GATB: variants seen among roughly 807,000 people sequenced by gnomAD.
The protein encoded by GATB is glutamyl-tRNA(Gln) amidotransferase subunit B, mitochondrial.
Under a neutral mutation model 62.3 loss-of-function variants are expected in GATB, and 39 were observed. The observed-to-expected ratio is 0.63, with a 90% CI of 0.48 to 0.82. The LOEUF is 0.82. Among genes scored for constraint, GATB ranks in the 40% least tolerant of loss-of-function variants. The pLI, the probability that GATB is intolerant of heterozygous loss-of-function variation, is 0.00. For missense variants in GATB, 670 were observed against 684.0 expected (o/e 0.98, Z 0.23); for synonymous variants, 276 against 258.9 (o/e 1.07, Z -0.63).
At chr4:151,697,947 G>GTGTATATATATATATA (rs1177589943) in intron 9 of GATB, among the ~76,000 whole-genome samples, 10 of 73,492 alleles carry the variant, frequency 1.4e-4, no homozygotes, top group African/African-American at 6.6e-4. Flanking sequence ...ATGTGTGTGT[G>GTGTATATATATATATA]TGTGTGTATA....
chr4:151,713,796 G>A (rs1176332088), intron 5 of GATB, among the ~76,000 whole-genome samples: 1 of 152,130 alleles, frequency 6.6e-6, no homozygotes, highest in Non-Finnish European at 1.5e-5. Flanking sequence ...GTGGTACGAA[G>A]CTGTGCTTAC....
At chr4:151,704,842 G>A (rs566695001) in intron 7 of GATB, among the ~76,000 whole-genome samples, 7 of 151,956 alleles carry the variant, frequency 4.6e-5, no homozygotes, top group Non-Finnish European at 8.8e-5. Flanking sequence ...GCCGCCTCCC[G>A]GGTTCATGCC....
intron 6 of GATB, among the ~76,000 whole-genome samples, 173 bp downstream of exon 6, chr4:151,707,815 C>A (rs1216087268): frequency 6.6e-6 from 1 of 152,256 alleles, no homozygotes; most frequent in Non-Finnish European, 1.5e-5. Flanking sequence ...TCTGCTTCAG[C>A]TGGCCTGCCG....
intron 9 of GATB, among the ~76,000 whole-genome samples, chr4:151,696,052 A>T (rs1738464678): frequency 6.8e-6 from 1 of 147,974 alleles, no homozygotes; most frequent in Non-Finnish European, 1.5e-5. Flanking sequence ...GAGTGCTGGG[A>T]TTACAGGTGT....
At chr4:151,732,595 T>A (rs1193224995) in intron 2 of GATB, among the ~76,000 whole-genome samples, 1 of 151,896 alleles carries the variant, frequency 6.6e-6, no homozygotes, top group African/African-American at 2.4e-5. Flanking sequence ...GGCTGCAGGG[T>A]CCTCTGCCTA....
chr4:151,729,979 A>G (rs899543907), intron 2 of GATB, among the ~76,000 whole-genome samples: 1 of 152,174 alleles, frequency 6.6e-6, no homozygotes. Context: ...AATCCTGAGA[A>G]AACTGCTCCT....
intron 9 of GATB, among the ~76,000 whole-genome samples, chr4:151,696,347 G>A (rs1738469384): frequency 6.6e-6 from 1 of 152,196 alleles, no homozygotes; most frequent in Admixed American, 6.5e-5. Context: ...TATGTTCTGT[G>A]ATTGTGCTGT....
intron 10 of GATB, among the ~76,000 whole-genome samples, chr4:151,681,166 G>A (rs1299135667): frequency 6.6e-6 from 1 of 152,174 alleles, no homozygotes; most frequent in Non-Finnish European, 1.5e-5. Context: ...CGATTTCCCG[G>A]GCTCTAAACC....
intron 2 of GATB, among the ~76,000 whole-genome samples, chr4:151,756,213 A>AT (rs1739825617): frequency 6.6e-6 from 1 of 152,202 alleles, no homozygotes; most frequent in Admixed American, 6.5e-5. Context: ...TACTTGACCA[A>AT]AACAATAACA....
At chr4:151,697,308 G>A (rs1174839204) in intron 9 of GATB, among the ~76,000 whole-genome samples, 1 of 152,110 alleles carries the variant, frequency 6.6e-6, no homozygotes, top group Admixed American at 6.5e-5. Flanking sequence ...CTATAAAAAA[G>A]AATGGAATCA....
chr4:151,722,567 C>T (rs1739052606), intron 2 of GATB: 1 of 224,326 alleles, frequency 4.5e-6, no homozygotes, highest in Non-Finnish European at 8.6e-6. Context: ...TTCTGATTCT[C>T]CCCATTCTTA....
At chr4:151,726,317 G>A (rs1026501701) in intron 2 of GATB, among the ~76,000 whole-genome samples, 12 of 151,924 alleles carry the variant, frequency 7.9e-5, no homozygotes, top group South Asian at 6.2e-4. Context: ...CCCTGTTTCC[G>A]CACCCCTACA....
At chr4:151,750,105 T>C (rs1440006444) in intron 2 of GATB, among the ~76,000 whole-genome samples, 2 of 152,148 alleles carry the variant, frequency 1.3e-5, no homozygotes. Flanking sequence ...ATGGTCTCAA[T>C]CTCCTGACCT....
At chr4:151,746,764 G>A (rs1426345830) in intron 2 of GATB, among the ~76,000 whole-genome samples, 1 of 152,190 alleles carries the variant, frequency 6.6e-6, no homozygotes, top group Non-Finnish European at 1.5e-5. Context: ...CGGGGAGGGG[G>A]TTGGTCAAGA....
Position 151,707,885 on chromosome 4 carries a change from G to A in GATB, c.877+103C>T, listed in dbSNP as rs549461877. The A allele has an allele frequency of 5.7e-5, 43 of 752,766 alleles. No homozygotes were observed. In the African/African-American group the frequency reaches 5.9e-4, roughly 10 times the overall value. 46.6% of individuals were successfully genotyped at this position (752,766 alleles called of 1,614,324 possible). ...ACCAACAGAACGGACCAGTGAAAAC[G>A]AAAGTAGTTCTTGTGTAAGCCACTA... On this transcript the variant is annotated intron_variant, in intron 6 of 12. Coordinates refer to ENST00000263985, the MANE Select transcript of GATB (RefSeq NM_004564.3).
intron 10 of GATB, chr4:151,687,129 A>T (rs1399634020): frequency 1.3e-5 from 2 of 152,294 alleles, no homozygotes; most frequent in East Asian, 3.9e-4. Flanking sequence ...TGCTGGGCAC[A>T]GACCTTAGCA....
At chr4:151,725,226 C>T (rs558746177) in intron 2 of GATB, among the ~76,000 whole-genome samples, 2 of 152,352 alleles carry the variant, frequency 1.3e-5, no homozygotes, top group Non-Finnish European at 2.9e-5. Flanking sequence ...TTGCTCCTTT[C>T]CTCCTACCTC....
chr4:151,725,905 G>T (rs1385584304), intron 2 of GATB, among the ~76,000 whole-genome samples: 3 of 152,156 alleles, frequency 2.0e-5, no homozygotes, highest in African/African-American at 7.2e-5. Context: ...AGCCCATGAT[G>T]CTGTAACACC....
At chr4:151,673,044 G>C (rs1342442303) in intron 11 of GATB, 148 bp from the exon 12 acceptor site, 5 of 972,436 alleles carry the variant, frequency 5.1e-6, no homozygotes, top group Non-Finnish European at 7.4e-6. Context: ...AAAGGGAAAG[G>C]GCACCTGGCT....
Sources: allele counts gnomAD v4.1 joint callset (sites outside exome capture counted in the v4.1 genomes callset), GRCh38; gene constraint gnomAD v4.1.1; transcripts MANE v1.5; gene names NCBI Gene and HGNC (gene_info 2026-07-23, HGNC 2026-07-21).